The following RUNDC3B variants were observed in gnomAD, a reference collection of about 807,000 sequenced individuals.
RUNDC3B encodes RUN domain containing 3B.
Under a neutral mutation model 58.4 loss-of-function variants are expected in RUNDC3B, and 33 were observed. That is an observed-to-expected ratio of 0.56 (90% confidence interval 0.43 to 0.75). RUNDC3B has a LOEUF of 0.75. Among genes scored for constraint, RUNDC3B ranks in the 30% least tolerant of loss-of-function variants. RUNDC3B has a pLI of 0.00. For missense variants in RUNDC3B, 501 were observed against 535.7 expected (o/e 0.94, Z 0.64); for synonymous variants, 193 against 195.2 (o/e 0.99, Z 0.10).
In RUNDC3B at chr7:87,768,862, G is replaced by A. The variant is rs117621870; in HGVS notation, c.630-1719G>A. On this transcript the variant is annotated intron_variant, in intron 6 of 10. Coordinates refer to ENST00000394654, the MANE Select transcript of RUNDC3B (RefSeq NM_001134405.2). ...TTTGATCTGCTTTCTGAGGAGAACT[G>A]GCATCTGATGTATCTAGTCAGCCAT... Among the ~76,000 whole-genome samples, 1,244 of 151,542 alleles carry A rather than the reference G, an allele frequency of 8.2e-3. 16 individuals are homozygous for A. The highest frequency in any genetic ancestry group is 7.2e-3 in the Non-Finnish European group (487 of 67,964).
intron 1 of RUNDC3B, among the ~76,000 whole-genome samples, chr7:87,630,456 A>G (rs936873981): frequency 3.3e-5 from 5 of 152,170 alleles, no homozygotes; most frequent in African/African-American, 1.2e-4. Flanking sequence ...TTTGAGACAA[A>G]TAGGCTGTTA....
intron 2 of RUNDC3B, among the ~76,000 whole-genome samples, chr7:87,651,164 G>A (rs1196131721): frequency 2.0e-5 from 3 of 152,106 alleles, no homozygotes; most frequent in Non-Finnish European, 4.4e-5. Context: ...AAGGAGAAAA[G>A]TGACTTTCCA....
intron 8 of RUNDC3B, among the ~76,000 whole-genome samples, chr7:87,793,426 A>G (rs1268575994): frequency 6.6e-6 from 1 of 152,168 alleles, no homozygotes; most frequent in African/African-American, 2.4e-5. Flanking sequence ...GAAATCCTCA[A>G]AAGTATACTA....
At chr7:87,737,520 A>G (rs1274162962) in intron 4 of RUNDC3B, among the ~76,000 whole-genome samples, 1 of 152,150 alleles carries the variant, frequency 6.6e-6, no homozygotes, top group East Asian at 1.9e-4. Flanking sequence ...ACATGAATGA[A>G]GTCTTTGATT....
At chr7:87,817,980 GCTTT>G (rs1381836097) in intron 10 of RUNDC3B, among the ~76,000 whole-genome samples, 6 of 152,094 alleles carry the variant, frequency 3.9e-5, no homozygotes, top group African/African-American at 1.4e-4. Flanking sequence ...TGAATTTTCT[GCTTT>G]CTTTAAGTTG....
At chr7:87,698,026 T>C (rs1828649263) in intron 2 of RUNDC3B, among the ~76,000 whole-genome samples, 1 of 152,154 alleles carries the variant, frequency 6.6e-6, no homozygotes, top group Non-Finnish European at 1.5e-5. Context: ...CAGAAGAAAG[T>C]GATGGAGAGA....
intron 8 of RUNDC3B, among the ~76,000 whole-genome samples, chr7:87,798,931 G>C (rs1006963947): frequency 2.6e-5 from 4 of 152,056 alleles, no homozygotes; most frequent in Non-Finnish European, 5.9e-5. Flanking sequence ...TAATTGTAAA[G>C]TTATATAAAG....
chr7:87,736,766 A>G (rs1470384867), intron 4 of RUNDC3B, among the ~76,000 whole-genome samples: 1 of 144,042 alleles, frequency 6.9e-6, no homozygotes, highest in African/African-American at 2.5e-5. Context: ...TGTTTTGGTT[A>G]GATTCTTCTC....
chr7:87,705,975 T>C (rs1345534137), intron 3 of RUNDC3B, among the ~76,000 whole-genome samples: 2 of 152,344 alleles, frequency 1.3e-5, no homozygotes, highest in East Asian at 3.9e-4. Context: ...TCCTGAGTTC[T>C]TCCTGTCTTC....
At chr7:87,771,788 T>G (rs187876690) in intron 7 of RUNDC3B, among the ~76,000 whole-genome samples, 87 of 152,262 alleles carry the variant, frequency 5.7e-4, no homozygotes, top group African/African-American at 2.0e-3. Flanking sequence ...ACCTAGAATG[T>G]AGGAGTGAGG....
At chr7:87,725,139 G>A (rs1169769628) in intron 4 of RUNDC3B, among the ~76,000 whole-genome samples, 3 of 152,040 alleles carry the variant, frequency 2.0e-5, no homozygotes, top group Non-Finnish European at 2.9e-5. Context: ...TGTGCACAAC[G>A]TGCAGGTTTG....
chr7:87,640,223 A>G (rs1584972627), intron 1 of RUNDC3B, among the ~76,000 whole-genome samples: 1 of 150,176 alleles, frequency 6.7e-6, no homozygotes, highest in Non-Finnish European at 1.5e-5. Context: ...ATCTTACATT[A>G]TTTTATTACC....
rs559296690 is a variant in RUNDC3B at position 87,639,077 on chromosome 7, C to T, written c.122+10132C>T. Among the ~76,000 whole-genome samples the T allele has an allele frequency of 6.7e-4, 93 of 138,798 alleles. 1 individual carries two copies. Among genetic ancestry groups the T allele is most frequent in the African/African-American group, 2.4e-3 (88 of 36,954 alleles). The allele number at this position is 138,798 out of a possible 152,430, so 91.1% of individuals were successfully genotyped here. ...TGAGGCAGGAGAATGGTGTAAACCC[C>T]GGAGGCGGAGCTTGCAGTGAGAAGA... On this transcript the variant is annotated intron_variant, in intron 1 of 10. Transcript: ENST00000394654.
At chr7:87,702,464 G>A (rs913569178) in intron 3 of RUNDC3B, among the ~76,000 whole-genome samples, 3 of 151,918 alleles carry the variant, frequency 2.0e-5, no homozygotes, top group African/African-American at 7.3e-5. Context: ...ATTTTTTGTA[G>A]AGATAATATC....
intron 9 of RUNDC3B, among the ~76,000 whole-genome samples, chr7:87,814,320 G>C (rs1046229060): frequency 6.6e-6 from 1 of 151,830 alleles, no homozygotes; most frequent in Non-Finnish European, 1.5e-5. Flanking sequence ...GGCTGGTCTT[G>C]AACTCCCGAC....
chr7:87,694,679 C>T (rs934522236), intron 2 of RUNDC3B, among the ~76,000 whole-genome samples: 1 of 152,102 alleles, frequency 6.6e-6, no homozygotes, highest in Non-Finnish European at 1.5e-5. Context: ...ATGTGTAGCT[C>T]TCTGTGTGGA....
intron 4 of RUNDC3B, among the ~76,000 whole-genome samples, chr7:87,719,584 C>T (rs1367964782): frequency 2.0e-5 from 3 of 151,640 alleles, no homozygotes; most frequent in Admixed American, 1.3e-4. Flanking sequence ...ATATAAAAAC[C>T]TTACAATTAA....
At chr7:87,811,061 A>G (rs1387286346) in intron 9 of RUNDC3B, among the ~76,000 whole-genome samples, 2 of 152,176 alleles carry the variant, frequency 1.3e-5, no homozygotes, top group African/African-American at 4.8e-5. Flanking sequence ...CTGTTTTAAT[A>G]TCTTTATATA....
At chr7:87,770,546 T>C in intron 6 of RUNDC3B, 35 bp from the exon 7 acceptor site, 3 of 1,551,336 alleles carry the variant, frequency 1.9e-6, no homozygotes, top group Admixed American at 1.9e-5. Flanking sequence ...TTGGAACATA[T>C]TTTTAACTTT....
Sources: gnomAD v4.1 joint callset for allele counts (sites outside exome capture counted in the v4.1 genomes callset) on GRCh38, gnomAD v4.1.1 for gene constraint, MANE v1.5 for transcripts, NCBI Gene and HGNC (gene_info 2026-07-23, HGNC 2026-07-21) for gene names.